ADAMTSL1: variants seen among roughly 807,000 people sequenced by gnomAD.
ADAMTSL1 encodes the protein ADAMTS-like protein 1.
In ADAMTSL1, 126 loss-of-function variants were observed where a neutral mutation model predicts 201.8. The observed-to-expected ratio is 0.62, with a 90% CI of 0.54 to 0.72. The LOEUF is 0.72. Among genes scored for constraint, ADAMTSL1 ranks in the 30% least tolerant of loss-of-function variants. The pLI is 0.00. For missense variants in ADAMTSL1, 2,679 were observed against 2,277.8 expected (o/e 1.18, Z -3.59); for synonymous variants, 1,121 against 903.4 (o/e 1.24, Z -4.32).
intron 1 of ADAMTSL1, among the ~76,000 whole-genome samples, chr9:18,141,021 G>T (rs925433116): frequency 1.6e-4 from 25 of 152,158 alleles, no homozygotes; most frequent in Admixed American, 1.3e-4. Context: ...TTATTTATAT[G>T]AATGTATCAT....
At chr9:18,771,626 A>C (rs1263001378) in intron 17 of ADAMTSL1, among the ~76,000 whole-genome samples, 1 of 151,974 alleles carries the variant, frequency 6.6e-6, no homozygotes, top group Non-Finnish European at 1.5e-5. Flanking sequence ...CCTGAAGTGA[A>C]AATGTCTGTA....
chr9:18,121,844 C>G (rs904588711), intron 1 of ADAMTSL1, among the ~76,000 whole-genome samples: 4 of 152,124 alleles, frequency 2.6e-5, no homozygotes, highest in African/African-American at 7.2e-5. Context: ...CAAACTGACT[C>G]TGCACCCATC....
chr9:18,415,368 A>G lies in ADAMTSL1; in HGVS notation c.208-89461A>G, dbSNP rs148726289. ...AGAAGATGTATTTTTAAAAAACAAC[A>G]AATCAAACTTCTAAAAATAAAAACT... is the stretch of plus-strand genomic sequence containing the variant. On this transcript the variant is annotated intron_variant, in intron 2 of 29. Transcript: ENST00000680146. Among the ~76,000 whole-genome samples, 36 of 152,320 alleles carry G rather than the reference A, an allele frequency of 2.4e-4. No individual in the cohort carries two copies. The East Asian group carries it at 4.6e-3, about 20-fold the overall frequency.
intron 2 of ADAMTSL1, among the ~76,000 whole-genome samples, chr9:18,518,908 A>T (rs146588312): frequency 0.015 from 2,270 of 152,198 alleles, 40 homozygotes; most frequent in African/African-American, 0.047. Context: ...GGGTTTCACC[A>T]TGATGGCCAG....
chr9:18,678,958 C>G lies in ADAMTSL1; in HGVS notation c.1137-1354C>G, dbSNP rs542119292. On this transcript the variant is annotated intron_variant, in intron 10 of 28. Coordinates refer to ENST00000380548, the MANE Select transcript of ADAMTSL1 (RefSeq NM_001040272.6). ...CAAACAGAGGGCCTCAGTTTCCCCA[C>G]AATGACATTTTCTTATGTGTCTCCT... is the stretch of plus-strand genomic sequence containing the variant. Among the ~76,000 whole-genome samples, 13 of 152,254 alleles carry G rather than the reference C, an allele frequency of 8.5e-5. No individual in the cohort carries two copies. In the South Asian group the frequency reaches 2.7e-3, roughly 32 times the overall value.
intron 23 of ADAMTSL1, among the ~76,000 whole-genome samples, chr9:18,881,640 A>ATAAAG (rs1480106000): frequency 2.0e-5 from 3 of 152,278 alleles, no homozygotes; most frequent in Non-Finnish European, 2.9e-5. Flanking sequence ...ACACAGAGAC[A>ATAAAG]TAAAGTATGC....
chr9:18,574,853 A>G (rs1047979566), intron 4 of ADAMTSL1, among the ~76,000 whole-genome samples: 2 of 152,184 alleles, frequency 1.3e-5, no homozygotes, highest in East Asian at 1.9e-4. Flanking sequence ...CCATCCATTC[A>G]TCAATGTCTA....
chr9:18,470,172 A>G (rs1440098690), upstream of ADAMTSL1, among the ~76,000 whole-genome samples: 5 of 152,174 alleles, frequency 3.3e-5, 1 homozygote, highest in Non-Finnish European at 7.3e-5. Context: ...CCCATTTTCT[A>G]CGTAGGAGGA....
chr9:18,378,756 T>G (rs550518748), intron 2 of ADAMTSL1, among the ~76,000 whole-genome samples: 3 of 152,346 alleles, frequency 2.0e-5, no homozygotes, highest in African/African-American at 4.8e-5. Flanking sequence ...CTTGGCTGCT[T>G]CTTCCTCTCT....
chr9:17,913,847 C>T (rs947678824), intron 1 of ADAMTSL1, among the ~76,000 whole-genome samples: 17 of 152,124 alleles, frequency 1.1e-4, no homozygotes, highest in Non-Finnish European at 2.2e-4. Flanking sequence ...ATATCACCAC[C>T]GATCCCACAG....
Position 18,003,114 on chromosome 9 carries a change from C to G in ADAMTSL1, c.87+96192C>G, listed in dbSNP as rs183341329. Among the ~76,000 whole-genome samples, 62 of 152,046 alleles carry G rather than the reference C, an allele frequency of 4.1e-4. 2 individuals carry two copies. In the South Asian group the frequency reaches 6.9e-3, roughly 17 times the overall value. The stretch of plus-strand genomic sequence containing the variant: ...ATACTAGAGAATGGATTTGAGGGAG[C>G]AGAGGCTGTGGGTAGAGAGCCCTAA... On this transcript the variant is annotated intron_variant, in intron 1 of 29. Transcript: ENST00000680146.
At chr9:18,778,439 A>G (rs1297837492) in intron 19 of ADAMTSL1, among the ~76,000 whole-genome samples, 1 of 152,184 alleles carries the variant, frequency 6.6e-6, no homozygotes, top group African/African-American at 2.4e-5. Context: ...GGGACCTGTG[A>G]TTGATTATCC....
At chr9:18,587,550 T>C (rs1823590053) in intron 4 of ADAMTSL1, among the ~76,000 whole-genome samples, 1 of 152,194 alleles carries the variant, frequency 6.6e-6, no homozygotes, top group South Asian at 2.1e-4. Flanking sequence ...GTCACTATAA[T>C]TTTCCCCACT....
chr9:18,455,323 A>G (rs1820559550), intron 2 of ADAMTSL1, among the ~76,000 whole-genome samples: 1 of 152,174 alleles, frequency 6.6e-6, no homozygotes, highest in African/African-American at 2.4e-5. Context: ...CTTTTCTCAA[A>G]CATTTGGAAG....
At chr9:18,592,784 T>C (rs1168344133) in intron 4 of ADAMTSL1, among the ~76,000 whole-genome samples, 1 of 152,206 alleles carries the variant, frequency 6.6e-6, no homozygotes, top group Admixed American at 6.5e-5. Context: ...TGACAGAGAT[T>C]GCAATGAATC....
At chr9:18,394,568 T>C (rs996934379) in intron 2 of ADAMTSL1, among the ~76,000 whole-genome samples, 9 of 152,220 alleles carry the variant, frequency 5.9e-5, no homozygotes, top group African/African-American at 2.2e-4. Flanking sequence ...GCTTTCAACT[T>C]ATCACAAAAA....
intron 1 of ADAMTSL1, among the ~76,000 whole-genome samples, chr9:17,932,930 G>A (rs527518507): frequency 3.3e-5 from 5 of 151,982 alleles, no homozygotes; most frequent in Admixed American, 6.6e-5. Flanking sequence ...AAGTGGTTTC[G>A]ACTTCCTATT....
chr9:18,706,483 A>C (rs147486246), intron 13 of ADAMTSL1, among the ~76,000 whole-genome samples: 1 of 152,210 alleles, frequency 6.6e-6, no homozygotes, highest in East Asian at 1.9e-4. Context: ...CTGTGGGTGC[A>C]AAGTAGGGAG....
intron 2 of ADAMTSL1, among the ~76,000 whole-genome samples, chr9:18,442,636 C>T (rs531674905): frequency 1.3e-5 from 2 of 152,298 alleles, no homozygotes; most frequent in African/African-American, 4.8e-5. Flanking sequence ...TTTATAGTCT[C>T]AGATGATATT....
Sources: allele counts gnomAD v4.1 joint callset (sites outside exome capture counted in the v4.1 genomes callset), GRCh38; gene constraint gnomAD v4.1.1; transcripts MANE v1.5; gene names NCBI Gene and HGNC (gene_info 2026-07-23, HGNC 2026-07-21).